Variants in UGGT1 observed in about 807,000 individuals in gnomAD.
The protein encoded by UGGT1 is UDP-glucose:glycoprotein glucosyltransferase 1.
Under a neutral mutation model 203.9 loss-of-function variants are expected in UGGT1, and 107 were observed. That is an observed-to-expected ratio of 0.52 (90% CI 0.45 to 0.62). The LOEUF (loss-of-function observed/expected upper bound fraction) is 0.62, where lower values mean the gene tolerates loss of function less well. Ranked by LOEUF, UGGT1 falls within the 20% of genes least tolerant of loss-of-function variation. The pLI, the probability that UGGT1 is intolerant of heterozygous loss-of-function variation, is 0.00. For missense variants in UGGT1, 1,673 were observed against 1,867.2 expected, an observed-to-expected ratio of 0.90 and a Z score of 1.92; for synonymous variants, 628 against 653.5, an observed-to-expected ratio of 0.96 and a Z score of 0.59.
At chr2:128,109,859 A>G in intron 5 of UGGT1, 113 bp downstream of exon 5, 1 of 810,052 alleles carries the variant, frequency 1.2e-6, no homozygotes, top group Non-Finnish European at 2.0e-6. Context: ...AATGGTTTAG[A>G]GTATGGCTTC....
chr2:128,182,212 G>A lies in UGGT1; in HGVS notation c.4166G>A (p.Arg1389Gln), dbSNP rs764969270. The change falls in exon 37 of 41, where the codon CGA becomes CAA. Residue 1389 changes from arginine to glutamine, a missense_variant. Transcript: ENST00000259253. ...GGTTACACTCCTTTCTGTGACAGCC[G>A]AAGAGAAATGGACGGCTACAGGTTC... ...PYGYTPFCDS[R>Q]REMDGYRFWK... 1.5e-5 allele frequency: 25 copies of A among 1,614,042 alleles called. No homozygotes were observed. Among genetic ancestry groups the A allele is most frequent in the Admixed American group, 3.3e-5 (2 of 60,002 alleles).
At chr2:128,151,949 A>G (rs1689993579) in intron 18 of UGGT1, among the ~76,000 whole-genome samples, 1 of 152,238 alleles carries the variant, frequency 6.6e-6, no homozygotes, top group Non-Finnish European at 1.5e-5. Context: ...AAATCTGCAC[A>G]TTTGCACAGT....
At chr2:128,141,469 G>T (rs1689420553) in intron 16 of UGGT1, among the ~76,000 whole-genome samples, 2 of 151,970 alleles carry the variant, frequency 1.3e-5, no homozygotes, top group African/African-American at 4.8e-5. Context: ...AATGGGCGTG[G>T]TGGCAGGCGC....
intron 11 of UGGT1, among the ~76,000 whole-genome samples, chr2:128,124,137 G>A (rs1363715382): frequency 1.3e-5 from 2 of 152,008 alleles, no homozygotes; most frequent in Non-Finnish European, 2.9e-5. Context: ...TAGTAGAGAC[G>A]GGGTTTCACC....
rs1553433490 is a variant in UGGT1 at position 128,112,454 on chromosome 2, T to TATATATATATA, written c.522-630_522-629insATATATATATA. Among the ~76,000 whole-genome samples the TATATATATATA allele has an allele frequency of 3.6e-4, 20 of 55,808 alleles. 1 individual carries two copies. Among genetic ancestry groups the TATATATATATA allele is most frequent in the African/African-American group, 1.1e-3 (20 of 18,910 alleles). 36.6% of individuals were successfully genotyped at this position (55,808 alleles called of 152,430 possible). A position where few individuals can be genotyped will look rare whatever the true frequency, so the allele number is the denominator to read the frequency against. ...AAAAAACCCCCCAAAAAATACTATG[T>TATATATATATA]TATATATATATATATATATTACATA... On this transcript the variant is annotated intron_variant, in intron 5 of 40. Coordinates refer to ENST00000259253, the MANE Select transcript of UGGT1 (RefSeq NM_020120.4).
intron 1 of UGGT1, among the ~76,000 whole-genome samples, chr2:128,093,192 C>A (rs1048851894): frequency 5.3e-5 from 8 of 152,158 alleles, no homozygotes; most frequent in Non-Finnish European, 1.2e-4. Flanking sequence ...CCCAAGAACA[C>A]GTACTCTCTC....
At position 128,091,339 on chromosome 2, in the gene UGGT1, G is replaced by C. The variant is rs751308181; in HGVS notation, c.-19G>C. The C allele has an allele frequency of 6.4e-7, 1 of 1,552,618 alleles. No individual in the cohort carries two copies. ...TGGCGTTGTCTCTGGCACTGTGGCG[G>C]ACTGACCACGGCCCGGGCATGGGCT... On this transcript the variant is annotated 5_prime_UTR_variant, in exon 1 of 41. Transcript: ENST00000259253.
chr2:128,129,830 A>G (rs1460037972), intron 13 of UGGT1, among the ~76,000 whole-genome samples: 1 of 152,158 alleles, frequency 6.6e-6, no homozygotes, highest in Admixed American at 6.6e-5. Context: ...GTAAATTAAA[A>G]CTACTATTGA....
chr2:128,172,605 C>A lies in UGGT1; in HGVS notation c.3137C>A (p.Ser1046Tyr). Residue 1046 changes from serine to tyrosine, a missense_variant, in exon 29 of 41, where the codon TCT becomes TAT. By Grantham distance (144) the Ser-to-Tyr change is moderately radical. Around this residue, in one of 4 missense-constraint regions of UGGT1, gnomAD observed 513 missense variants for 684.1 expected, o/e 0.75. Coordinates refer to ENST00000259253, the MANE Select transcript of UGGT1 (RefSeq NM_020120.4). ...CGTTATGTCTTAGAACCAGAGATTT[C>A]TTTCACTTCAGACAATAGTTTTGCT... ...FYRYVLEPEI[S>Y]FTSDNSFAKG... is the part of the protein sequence containing the mutation. The A allele has an allele frequency of 6.2e-7, 1 of 1,614,078 alleles. No individual in the cohort carries two copies. Among genetic ancestry groups the A allele is most frequent in the South Asian group, 1.1e-5 (1 of 91,078 alleles).
chr2:128,129,019 T>G lies in UGGT1; in HGVS notation c.1227-10T>G. The G allele has an allele frequency of 6.5e-7, 1 of 1,546,978 alleles. No individual in the cohort carries two copies. Among genetic ancestry groups the G allele is most frequent in the South Asian group, 1.2e-5 (1 of 81,158 alleles). ...TCCTAGTAAATATCTCTTTTTGTTT[T>G]TCCCCCCAGTCTGTTTGATGTGTTG... On this transcript the variant is annotated splice_polypyrimidine_tract_variant and intron_variant, in intron 12 of 40. Coordinates refer to ENST00000259253, the MANE Select transcript of UGGT1 (RefSeq NM_020120.4).
At chr2:128,155,428 T>C (rs2104721188) in intron 19 of UGGT1, 61 bp from the exon 20 acceptor site, 8 of 1,251,962 alleles carry the variant, frequency 6.4e-6, no homozygotes, top group South Asian at 6.3e-5. Flanking sequence ...AGGTTATCAG[T>C]TGAATATTAA....
chr2:128,104,516 T>C (rs1378200503), intron 3 of UGGT1, among the ~76,000 whole-genome samples: 1 of 152,284 alleles, frequency 6.6e-6, no homozygotes, highest in Non-Finnish European at 1.5e-5. Flanking sequence ...TTTTATGATG[T>C]GCTTTCACAT....
chr2:128,164,602 G>A (rs762856098), intron 25 of UGGT1, 128 bp from the exon 26 acceptor site: 1 of 721,446 alleles, frequency 1.4e-6, no homozygotes, highest in Non-Finnish European at 2.4e-6. Flanking sequence ...ATGCCTATCA[G>A]TACGGACTTT....
At chr2:128,180,008 T>G in intron 35 of UGGT1, 138 bp downstream of exon 35, 1 of 699,058 alleles carries the variant, frequency 1.4e-6, no homozygotes, top group Non-Finnish European at 2.3e-6. Context: ...CATATTTTTA[T>G]TTTGATTATT....
chr2:128,170,049 TAC>T (rs2104777102), intron 26 of UGGT1, among the ~76,000 whole-genome samples: 1 of 152,336 alleles, frequency 6.6e-6, no homozygotes, highest in South Asian at 2.1e-4. Flanking sequence ...TTTGGTTAAA[TAC>T]AGTTTCAAGC....
chr2:128,160,018 T>C (rs1413301165), intron 23 of UGGT1, among the ~76,000 whole-genome samples: 2 of 152,214 alleles, frequency 1.3e-5, no homozygotes, highest in Non-Finnish European at 2.9e-5. Flanking sequence ...GAACCACTTA[T>C]AGGTTCAAGG....
intron 6 of UGGT1, among the ~76,000 whole-genome samples, chr2:128,114,756 T>C (rs998035830): frequency 9.9e-5 from 15 of 152,208 alleles, no homozygotes; most frequent in Non-Finnish European, 2.2e-4. Context: ...TCCATTCATC[T>C]GGTTTTGCTT....
chr2:128,123,040 T>C (rs1162364943), intron 10 of UGGT1, 146 bp from the exon 11 acceptor site: 4 of 548,902 alleles, frequency 7.3e-6, no homozygotes, highest in African/African-American at 1.9e-5. Context: ...AGGAGAAATA[T>C]ATTTATCAAT....
At position 128,097,515 on chromosome 2, in the gene UGGT1, A is replaced by G. The variant is rs1288828011; in HGVS notation, c.145A>G (p.Thr49Ala). Residue 49 changes from threonine (T) to alanine (A), a missense_variant, in exon 2 of 41, where the codon ACC becomes GCC. By Grantham distance (58) the Thr-to-Ala change is moderately conservative. Transcript: ENST00000259253. The part of the protein sequence containing the change: ...SVKADSKAIT[T>A]SLTTKWFSTP... ...AAAGGCCGACTCAAAAGCCATTACAACCTCTCTTACAACAAAATGGTTTTC... is the reference window on the plus strand; with the variant it reads ...AAAGGCCGACTCAAAAGCCATTACAGCCTCTCTTACAACAAAATGGTTTTC... The G allele has an allele frequency of 1.9e-6, 3 of 1,614,080 alleles. No individual in the cohort carries two copies. The highest frequency in any genetic ancestry group is 2.7e-5 in the African/African-American group (2 of 74,922).
Sources: allele counts gnomAD v4.1 joint callset (sites outside exome capture counted in the v4.1 genomes callset), GRCh38; gene constraint gnomAD v4.1.1; regional missense constraint gnomAD v4.1.1; transcripts MANE v1.5; gene names NCBI Gene and HGNC (gene_info 2026-07-23, HGNC 2026-07-21).